Variants in MACROD2 observed in about 807,000 individuals in gnomAD.
MACROD2 encodes the protein ADP-ribose glycohydrolase MACROD2.
A neutral mutation model predicts 70.4 loss-of-function variants in MACROD2; 36 were observed. That is an observed-to-expected ratio of 0.51 (90% CI 0.39 to 0.68). The LOEUF (loss-of-function observed/expected upper bound fraction) is 0.68. MACROD2 is among the 30% of genes least tolerant of loss of function. MACROD2 has a pLI of 0.00. For synonymous variants in MACROD2, 172 were observed against 178.8 expected (o/e 0.96, Z 0.30); for missense variants, 496 against 538.4 (o/e 0.92, Z 0.78).
chr20:14,244,716 C>T (rs1407617665), intron 3 of MACROD2, among the ~76,000 whole-genome samples: 2 of 152,172 alleles, frequency 1.3e-5, no homozygotes, highest in Non-Finnish European at 2.9e-5. Context: ...GCTGGAGCCT[C>T]CAGGGCCATC....
At chr20:16,016,330 C>A (rs968849746) in intron 15 of MACROD2, among the ~76,000 whole-genome samples, 1 of 152,122 alleles carries the variant, frequency 6.6e-6, no homozygotes, top group Non-Finnish European at 1.5e-5. Flanking sequence ...TTTTTCCTAT[C>A]ACTTCTATTT....
intron 8 of MACROD2, among the ~76,000 whole-genome samples, chr20:15,654,209 T>G (rs462849): frequency 0.32 from 48,666 of 152,040 alleles, 8,674 homozygotes; most frequent in East Asian, 0.42. Context: ...AGGAAGAACC[T>G]GAAAAGTCAA....
chr20:13,999,541 G>A (rs1229929179), intron 1 of MACROD2, among the ~76,000 whole-genome samples: 1 of 152,166 alleles, frequency 6.6e-6, no homozygotes, highest in Non-Finnish European at 1.5e-5. Context: ...GCGAAATATT[G>A]TGAGGTTAAG....
At chr20:15,507,968 T>C (rs541040418) in intron 8 of MACROD2, among the ~76,000 whole-genome samples, 3 of 152,346 alleles carry the variant, frequency 2.0e-5, no homozygotes, top group South Asian at 4.1e-4. Context: ...TACACACTTT[T>C]AGGCGTTGAG....
intron 3 of MACROD2, among the ~76,000 whole-genome samples, chr20:14,345,495 T>C (rs2083054213): frequency 6.6e-6 from 1 of 152,048 alleles, no homozygotes; most frequent in Non-Finnish European, 1.5e-5. Flanking sequence ...GTTTTCTTGG[T>C]TATTTTTATT....
chr20:14,909,803 AT>A lies in MACROD2; in HGVS notation c.418+224853del, dbSNP rs540381527. ...ATAGAAGTACATTTTATGTTTAGCT[AT>A]TTTTTTTTCCTTCCTCTATGATCTG... On this transcript the variant is annotated intron_variant, in intron 5 of 17. Coordinates refer to ENST00000684519, the MANE Select transcript of MACROD2 (RefSeq NM_001351661.2). Among the ~76,000 whole-genome samples, 1,487 of 151,524 alleles carry A rather than the reference AT, an allele frequency of 9.8e-3. 23 individuals carry two copies. The highest frequency in any genetic ancestry group is 0.032 in the African/African-American group (1,305 of 41,334).
At chr20:14,448,208 T>A (rs1568616188) in intron 3 of MACROD2, among the ~76,000 whole-genome samples, 1 of 152,002 alleles carries the variant, frequency 6.6e-6, no homozygotes, top group Non-Finnish European at 1.5e-5. Context: ...AGTCTAACCT[T>A]TGAATAAAGA....
chr20:14,643,996 G>A (rs1985236158), intron 4 of MACROD2, among the ~76,000 whole-genome samples: 1 of 152,124 alleles, frequency 6.6e-6, no homozygotes, highest in Non-Finnish European at 1.5e-5. Context: ...AGATTATTAT[G>A]TGAATTAAAA....
intron 5 of MACROD2, among the ~76,000 whole-genome samples, chr20:14,861,359 TG>T (rs2073314529): frequency 1.3e-5 from 2 of 152,096 alleles, no homozygotes; most frequent in African/African-American, 2.4e-5. Context: ...TACTAACAGC[TG>T]GGTTCCACGT....
intron 3 of MACROD2, among the ~76,000 whole-genome samples, chr20:14,449,109 A>G (rs571441159): frequency 6.6e-6 from 1 of 151,922 alleles, no homozygotes; most frequent in East Asian, 1.9e-4. Flanking sequence ...TGCTTTAACT[A>G]AGAAGGTTTT....
intron 6 of MACROD2, among the ~76,000 whole-genome samples, chr20:15,270,612 A>T (rs2077337731): frequency 6.6e-6 from 1 of 152,196 alleles, no homozygotes; most frequent in African/African-American, 2.4e-5. Flanking sequence ...ACAATAACCT[A>T]AAGATAAAAT....
chr20:14,714,172 A>G (rs1300913872), intron 5 of MACROD2, among the ~76,000 whole-genome samples: 1 of 152,122 alleles, frequency 6.6e-6, no homozygotes, highest in Non-Finnish European at 1.5e-5. Flanking sequence ...GTACGTGGAA[A>G]ATGACAGAGT....
intron 8 of MACROD2, among the ~76,000 whole-genome samples, chr20:15,636,090 A>AAAAAAAAAAG (rs2049362242): frequency 8.6e-6 from 1 of 116,922 alleles, no homozygotes; most frequent in Non-Finnish European, 1.9e-5. Flanking sequence ...AAAAAAAAAA[A>AAAAAAAAAAG]AAGAAAGAAA....
intron 8 of MACROD2, among the ~76,000 whole-genome samples, chr20:15,720,935 T>C (rs1292840735): frequency 6.6e-6 from 1 of 152,196 alleles, no homozygotes; most frequent in Non-Finnish European, 1.5e-5. Context: ...CCTGGACCCA[T>C]TATGTTGGGG....
chr20:14,819,746 G>A (rs1039966797), intron 5 of MACROD2, among the ~76,000 whole-genome samples: 5 of 152,064 alleles, frequency 3.3e-5, no homozygotes, highest in Non-Finnish European at 5.9e-5. Context: ...GGGAGTCAGG[G>A]GAGCGGAAAG....
chr20:15,487,314 C>A (rs2047175193), intron 7 of MACROD2, among the ~76,000 whole-genome samples: 1 of 152,202 alleles, frequency 6.6e-6, no homozygotes, highest in African/African-American at 2.4e-5. Flanking sequence ...TCATGTCAGA[C>A]TTGAAGCTAT....
chr20:14,601,918 G>T (rs1982522736), intron 4 of MACROD2, among the ~76,000 whole-genome samples: 1 of 151,922 alleles, frequency 6.6e-6, no homozygotes, highest in Non-Finnish European at 1.5e-5. Flanking sequence ...CCTTTTCTGG[G>T]TTACTTCTGT....
intron 6 of MACROD2, among the ~76,000 whole-genome samples, chr20:15,286,954 T>C (rs1179015009): frequency 6.6e-6 from 1 of 152,294 alleles, no homozygotes; most frequent in East Asian, 1.9e-4. Context: ...AAAATCACTT[T>C]TTATTTAGAA....
intron 5 of MACROD2, among the ~76,000 whole-genome samples, chr20:15,093,310 G>A (rs1306344678): frequency 6.6e-6 from 1 of 152,160 alleles, no homozygotes; most frequent in East Asian, 1.9e-4. Context: ...TGGATTCCAT[G>A]ACCATTTTTC....
Sources: allele counts gnomAD v4.1 joint callset (sites outside exome capture counted in the v4.1 genomes callset), GRCh38; gene constraint gnomAD v4.1.1; transcripts MANE v1.5; gene names NCBI Gene and HGNC (gene_info 2026-07-23, HGNC 2026-07-21).